PCDH19: variants seen among roughly 807,000 people sequenced by gnomAD.
PCDH19 encodes the protein protocadherin-19.
Under a neutral mutation model 46.2 loss-of-function variants are expected in PCDH19, and 6 were observed. The observed-to-expected ratio is 0.13, with a 90% confidence interval of 0.07 to 0.26. PCDH19 has a LOEUF of 0.26. Among genes scored for constraint, PCDH19 ranks in the 10% least tolerant of loss-of-function variants. The pLI is 1.00. For synonymous variants in PCDH19, 481 were observed against 415.7 expected (o/e 1.16, Z -1.91); for missense variants, 740 against 972.3 (o/e 0.76, Z 3.18).
In PCDH19 at chrX:100,369,546, G is replaced by A. The variant is rs192969136; in HGVS notation, c.2617-18842C>T. On this transcript the variant is annotated intron_variant, in intron 3 of 5. Coordinates refer to ENST00000373034, the MANE Select transcript of PCDH19 (RefSeq NM_001184880.2). ...AATACTATAAATATTTGTACTCAAC[G>A]TAACTAATTAACAAGCCAAACACTA... is the stretch of plus-strand genomic sequence containing the variant. Among the ~76,000 whole-genome samples, 221 of 112,278 alleles carry A rather than the reference G, an allele frequency of 2.0e-3. 1 individual carries two copies. The highest frequency in any genetic ancestry group is 6.9e-3 in the African/African-American group (212 of 30,931).
intron 3 of PCDH19, among the ~76,000 whole-genome samples, chrX:100,398,494 T>C (rs1928086382): frequency 8.9e-6 from 1 of 112,012 alleles, no homozygotes; most frequent in African/African-American, 3.2e-5. Flanking sequence ...CAAATCTACA[T>C]AAAATGTAAG....
chrX:100,307,440 T>C (rs1924983966), intron 5 of PCDH19, among the ~76,000 whole-genome samples: 1 of 111,759 alleles, frequency 8.9e-6, no homozygotes, highest in Non-Finnish European at 1.9e-5. Context: ...GCCAACATTA[T>C]ACTGAATGGC....
intron 3 of PCDH19, among the ~76,000 whole-genome samples, chrX:100,393,347 G>A (rs1927916052): frequency 9.0e-6 from 1 of 110,879 alleles, no homozygotes; most frequent in South Asian, 3.9e-4. Context: ...TCATAGACAT[G>A]TGTACGGTCA....
rs1924566169 is a variant in PCDH19, at chrX:100,295,479, A to T, written c.*798T>A. On this transcript the variant is annotated 3_prime_UTR_variant, in exon 6 of 6. Coordinates refer to ENST00000373034, the MANE Select transcript of PCDH19 (RefSeq NM_001184880.2). ...CTGAAAGGCAGGAAAAATACTTTGC[A>T]AAGTGGTGAGCAATCACTACATGAG... 8.9e-6 allele frequency: 1 copy of T among 112,392 alleles called. No individual in the cohort carries two copies. Among genetic ancestry groups the T allele is most frequent in the African/African-American group, 3.2e-5 (1 of 30,920 alleles). The allele number at this position is 112,392 out of a possible 1,213,427, so 9.3% of individuals were successfully genotyped here.
At chrX:100,340,824 C>T (rs887909339) in intron 5 of PCDH19, among the ~76,000 whole-genome samples, 8 of 112,132 alleles carry the variant, frequency 7.1e-5, no homozygotes, top group Admixed American at 9.4e-5. Flanking sequence ...AAAACAAAAG[C>T]ATTTAATGAT....
At chrX:100,340,181 A>G (rs1007895127) in intron 5 of PCDH19, among the ~76,000 whole-genome samples, 1 of 109,231 alleles carries the variant, frequency 9.2e-6, no homozygotes, top group Non-Finnish European at 1.9e-5. Flanking sequence ...CTTATTATCC[A>G]ATCTACACAG....
Position 100,403,553 on chromosome X carries a change from T to G in PCDH19, c.2259A>C (p.Thr753=). 8.3e-7 allele frequency: 1 copy of G among 1,209,888 alleles called. No homozygotes were observed. Among genetic ancestry groups the G allele is most frequent in the Non-Finnish European group, 1.1e-6 (1 of 894,793 alleles). Residue 753 remains threonine (T), a synonymous_variant, in exon 2 of 6, where the codon ACA becomes ACC. Transcript: ENST00000373034. ...SPISEEQDKK[T]EEKVSLRGKR... is the part of the protein sequence containing the mutation. The stretch of plus-strand genomic sequence containing the variant: ...TTCCCCTTAGGCTCACTTTCTCCTC[T>G]GTCTTTTTGTCTTGCTCCTCGCTAA...
chrX:100,376,210 G>C (rs1379141445), intron 3 of PCDH19, among the ~76,000 whole-genome samples: 13 of 100,890 alleles, frequency 1.3e-4, no homozygotes, highest in Non-Finnish European at 4.0e-5. Context: ...ACTCCAGCCT[G>C]GGCAACAAGA....
At chrX:100,359,635 C>A (rs985208528) in intron 3 of PCDH19, among the ~76,000 whole-genome samples, 1 of 111,833 alleles carries the variant, frequency 8.9e-6, no homozygotes, top group Non-Finnish European at 1.9e-5. Context: ...TGCCTGTAAC[C>A]CCAATGACTT....
chrX:100,351,667 C>G (rs1203332490), intron 3 of PCDH19, among the ~76,000 whole-genome samples: 2 of 112,299 alleles, frequency 1.8e-5, no homozygotes, highest in African/African-American at 6.5e-5. Context: ...TAGAAATCTC[C>G]ACTGTTCCCA....
chrX:100,333,246 A>AAAGG (rs1925976084), intron 5 of PCDH19, among the ~76,000 whole-genome samples: 2 of 106,710 alleles, frequency 1.9e-5, no homozygotes, highest in Admixed American at 1.0e-4. Flanking sequence ...AGAAAGAAAG[A>AAAGG]AAGGGAAAGT....
chrX:100,404,825 T>C (rs1180564181), intron 1 of PCDH19, among the ~76,000 whole-genome samples: 1 of 111,761 alleles, frequency 8.9e-6, no homozygotes, highest in Non-Finnish European at 1.9e-5. Context: ...GTCCTCTCCA[T>C]AATTATCTCC....
rs374222338 is a variant in PCDH19 at position 100,320,224 on chromosome X, C to A, written c.2848+21679G>T. Among the ~76,000 whole-genome samples the A allele has an allele frequency of 2.7e-3, 296 of 111,484 alleles. 1 individual carries two copies. Among genetic ancestry groups the A allele is most frequent in the African/African-American group, 9.2e-3 (282 of 30,655 alleles). ...GTCATCCACTTTCCAAACAATCTTTCCATATTAAATATACAATAAACAGTA... is the reference window on the plus strand; with the variant it reads ...GTCATCCACTTTCCAAACAATCTTTACATATTAAATATACAATAAACAGTA... On this transcript the variant is annotated intron_variant, in intron 5 of 5. Coordinates refer to ENST00000373034, the MANE Select transcript of PCDH19 (RefSeq NM_001184880.2).
intron 5 of PCDH19, among the ~76,000 whole-genome samples, chrX:100,325,110 T>C (rs1359223359): frequency 1.9e-5 from 2 of 103,045 alleles, no homozygotes; most frequent in African/African-American, 7.0e-5. Context: ...AATTATATTG[T>C]ACTAAGAAAA....
chrX:100,403,453 C>G, intron 2 of PCDH19, 71 bp downstream of exon 2: 1 of 1,109,551 alleles, frequency 9.0e-7, no homozygotes, highest in African/African-American at 1.8e-5. Flanking sequence ...TTTACTCACC[C>G]CCCGACCCCC....
At chrX:100,348,669 GTGTA>G (rs1349737258) in intron 4 of PCDH19, among the ~76,000 whole-genome samples, 2 of 111,800 alleles carry the variant, frequency 1.8e-5, no homozygotes, top group Non-Finnish European at 3.8e-5. Flanking sequence ...TGCCTTTTGT[GTGTA>G]TGTGTCTATA....
chrX:100,361,352 T>C (rs1926876667), intron 3 of PCDH19, among the ~76,000 whole-genome samples: 1 of 111,700 alleles, frequency 9.0e-6, no homozygotes, highest in South Asian at 3.7e-4. Context: ...CTACTAAACC[T>C]TAGAAAAACC....
At chrX:100,298,690 G>C in intron 5 of PCDH19, among the ~76,000 whole-genome samples, 1 of 111,532 alleles carries the variant, frequency 9.0e-6, no homozygotes, top group Non-Finnish European at 1.9e-5. Context: ...CCCCTTCCCT[G>C]CAAACTCTCT....
At chrX:100,404,715 G>A (rs1236421994) in intron 1 of PCDH19, among the ~76,000 whole-genome samples, 1 of 110,004 alleles carries the variant, frequency 9.1e-6, no homozygotes, top group East Asian at 2.8e-4. Flanking sequence ...TCACCAAGAG[G>A]TGGCAAAGCC....
Sources: allele counts gnomAD v4.1 joint callset (sites outside exome capture counted in the v4.1 genomes callset), GRCh38; gene constraint gnomAD v4.1.1; transcripts MANE v1.5; gene names NCBI Gene and HGNC (gene_info 2026-07-23, HGNC 2026-07-21).